Variants in PHLDB2 observed in about 807,000 individuals in gnomAD.
PHLDB2 encodes the protein pleckstrin homology like domain family B member 2, also known as pleckstrin homology-like domain family B member 2.
A neutral mutation model predicts 123.6 loss-of-function variants in PHLDB2; 71 were observed. That is an observed-to-expected ratio of 0.57 (90% confidence interval 0.47 to 0.70). PHLDB2 has a LOEUF of 0.70. Ranked by LOEUF, PHLDB2 falls within the 30% of genes least tolerant of loss-of-function variation. PHLDB2 has a pLI of 0.00. For synonymous variants in PHLDB2, 547 were observed against 541.6 expected (o/e 1.01, Z -0.14); for missense variants, 1,446 against 1,519.5 (o/e 0.95, Z 0.80).
rs201958949 is a variant in PHLDB2 at position 111,949,096 on chromosome 3, A to G, written c.2631+21A>G. 814 of 1,611,666 alleles carry G rather than the reference A, an allele frequency of 5.1e-4. 4 individuals are homozygous for G. In the African/African-American group the frequency reaches 9.4e-3, roughly 19 times the overall value. The stretch of plus-strand genomic sequence containing the variant: ...AAGAGGTGTGTAGGCATGACGTTTC[A>G]TTCATTCACTGCTTTTCTTCATGTC... On this transcript the variant is annotated intron_variant, in intron 10 of 17. Transcript: ENST00000431670.
At chr3:111,844,029 GC>G (rs1414858957) in intron 1 of PHLDB2, among the ~76,000 whole-genome samples, 2 of 151,862 alleles carry the variant, frequency 1.3e-5, no homozygotes, top group Non-Finnish European at 2.9e-5. Context: ...ACCTACATTG[GC>G]ATCTACCCTT....
At chr3:111,847,680 C>G (rs908812891) in intron 2 of PHLDB2, among the ~76,000 whole-genome samples, 1 of 141,052 alleles carries the variant, frequency 7.1e-6, no homozygotes, top group African/African-American at 2.7e-5. Context: ...CTTGGGAGAG[C>G]CTTACTTACT....
At chr3:111,970,998 G>A (rs1038929674) in intron 16 of PHLDB2, among the ~76,000 whole-genome samples, 10 of 152,196 alleles carry the variant, frequency 6.6e-5, no homozygotes, top group African/African-American at 2.4e-4. Context: ...GGGAATGCCT[G>A]CCTTTCACCG....
intron 12 of PHLDB2, among the ~76,000 whole-genome samples, chr3:111,954,388 G>A (rs77780242): frequency 3.9e-5 from 6 of 152,320 alleles, no homozygotes; most frequent in Non-Finnish European, 8.8e-5. Context: ...TTGTGTCTGA[G>A]CCACTATGTC....
exon 2 of PHLDB2, chr3:111,845,923 G>T: frequency 6.2e-7 from 1 of 1,614,050 alleles, no homozygotes; most frequent in Non-Finnish European, 8.5e-7. Flanking sequence ...AGTTGGTGAT[G>T]TGCAACATTT....
intron 1 of PHLDB2, among the ~76,000 whole-genome samples, chr3:111,736,230 A>G (rs1257084983): frequency 6.6e-6 from 1 of 152,194 alleles, no homozygotes; most frequent in Non-Finnish European, 1.5e-5. Context: ...ATCATCTCCT[A>G]GTTTATAAAC....
At chr3:111,925,669 G>C (rs1401803870) in intron 5 of PHLDB2, among the ~76,000 whole-genome samples, 1 of 152,174 alleles carries the variant, frequency 6.6e-6, no homozygotes, top group African/African-American at 2.4e-5. Flanking sequence ...GAAACCGCTA[G>C]CACCATGAAG....
chr3:111,892,908 G>A (rs1409045147), intron 2 of PHLDB2, among the ~76,000 whole-genome samples: 1 of 152,140 alleles, frequency 6.6e-6, no homozygotes, highest in Admixed American at 6.5e-5. Context: ...CTGAAACGTG[G>A]TCAGATGCAG....
At chr3:111,905,863 T>A (rs2067497667) in intron 2 of PHLDB2, among the ~76,000 whole-genome samples, 1 of 152,222 alleles carries the variant, frequency 6.6e-6, no homozygotes, top group African/African-American at 2.4e-5. Context: ...TTTACGTTTT[T>A]CAGGTTAGAG....
intron 1 of PHLDB2, among the ~76,000 whole-genome samples, chr3:111,828,406 T>G (rs1369654752): frequency 6.6e-6 from 1 of 152,122 alleles, no homozygotes; most frequent in African/African-American, 2.4e-5. Flanking sequence ...ATTTCCCCTA[T>G]CTAATTTCCC....
chr3:111,927,194 T>G (rs753610010), intron 5 of PHLDB2, among the ~76,000 whole-genome samples: 2 of 151,718 alleles, frequency 1.3e-5, no homozygotes, highest in Non-Finnish European at 2.9e-5. Flanking sequence ...AGGAAAGGGA[T>G]TTTTAGGATA....
rs1309027071 is a variant in PHLDB2, at chr3:111,739,599, A to ACG, written c.-49+6896_-49+6897insCG. Among the ~76,000 whole-genome samples, 500 of 131,718 alleles carry ACG rather than the reference A, an allele frequency of 3.8e-3. 25 individuals carry two copies. Among genetic ancestry groups the ACG allele is most frequent in the Non-Finnish European group, 5.5e-3 (349 of 63,476 alleles). The allele number at this position is 131,718 out of a possible 152,430, so 86.4% of individuals were successfully genotyped here. On this transcript the variant is annotated intron_variant, in intron 1 of 17. Coordinates refer to the PHLDB2 transcript ENST00000393923. The stretch of plus-strand genomic sequence containing the variant: ...AAAAAAAAAAAAAACAAAACAAACA[A>ACG]AAAAAAAAAACAATGGTCACAGGCT...
chr3:111,856,695 T>C (rs2064525548), upstream of PHLDB2, among the ~76,000 whole-genome samples: 1 of 152,184 alleles, frequency 6.6e-6, no homozygotes, highest in Admixed American at 6.5e-5. Flanking sequence ...GGCAAGGAAA[T>C]GTTTGCAACA....
intron 1 of PHLDB2, chr3:111,778,242 T>C (rs376205072): frequency 4.6e-5 from 7 of 151,952 alleles, no homozygotes; most frequent in African/African-American, 1.4e-4. Flanking sequence ...AGGTCTCCTC[T>C]ACTATGATTT....
At chr3:111,737,311 C>T (rs548312306) in intron 1 of PHLDB2, among the ~76,000 whole-genome samples, 1 of 152,308 alleles carries the variant, frequency 6.6e-6, no homozygotes, top group East Asian at 1.9e-4. Flanking sequence ...TTGTCCACAT[C>T]CTTGCTTTGG....
At chr3:111,950,538 A>G (rs575460181) in intron 10 of PHLDB2, among the ~76,000 whole-genome samples, 1 of 152,306 alleles carries the variant, frequency 6.6e-6, no homozygotes, top group Non-Finnish European at 1.5e-5. Flanking sequence ...TTTTAAATAA[A>G]TAATTTTTTA....
In PHLDB2 at chr3:111,975,840, A is replaced by G. The variant is rs1452256119; in HGVS notation, c.*1277A>G. On this transcript the variant is annotated 3_prime_UTR_variant, in exon 18 of 18. Transcript: ENST00000431670. Reference sequence around the variant, plus strand: ...AGAGAATAACAATATTACTTACAAGATGAAATGATTAGATTAGAAGTGTCC... The same window carrying G: ...AGAGAATAACAATATTACTTACAAGGTGAAATGATTAGATTAGAAGTGTCC... 2.0e-5 allele frequency: 3 copies of G among 152,666 alleles called. No homozygotes were observed. The highest frequency in any genetic ancestry group is 7.2e-5 in the African/African-American group (3 of 41,468). 9.5% of individuals were successfully genotyped at this position (152,666 alleles called of 1,614,324 possible).
intron 1 of PHLDB2, among the ~76,000 whole-genome samples, chr3:111,735,371 C>T (rs188773569): frequency 1.3e-5 from 2 of 152,172 alleles, no homozygotes; most frequent in East Asian, 1.9e-4. Flanking sequence ...AGCCTTAATC[C>T]GCCCCCCACC....
rs1220455805 is a variant in PHLDB2, at chr3:111,895,852, A to C, written c.1335+10440A>C. 2.5e-5 allele frequency among the ~76,000 whole-genome samples: 3 copies of C among 119,048 alleles called. No homozygotes were observed. In the East Asian group the frequency reaches 7.9e-4, roughly 31 times the overall value. 78.1% of individuals were successfully genotyped at this position (119,048 alleles called of 152,430 possible). A position where few individuals can be genotyped will look rare whatever the true frequency, so the allele number is the denominator to read the frequency against. On this transcript the variant is annotated intron_variant, in intron 2 of 17. Coordinates refer to ENST00000431670, the MANE Select transcript of PHLDB2 (RefSeq NM_001134438.2). ...CAAAAGAGTGAAACTCAGTCAAAAA[A>C]AAAAAATCTATCTATCTATCCATCT...
Sources: gnomAD v4.1 joint callset for allele counts (sites outside exome capture counted in the v4.1 genomes callset) on GRCh38, gnomAD v4.1.1 for gene constraint, MANE v1.5 for transcripts, NCBI Gene and HGNC (gene_info 2026-07-23, HGNC 2026-07-21) for gene names.